Variants in CTNNA3 observed in about 807,000 individuals in gnomAD.
The protein encoded by CTNNA3 is catenin alpha 3, also known as catenin alpha-3.
A neutral mutation model predicts 95.7 loss-of-function variants in CTNNA3; 76 were observed. That is an observed-to-expected ratio of 0.79 (90% CI 0.66 to 0.96). The LOEUF (loss-of-function observed/expected upper bound fraction) is 0.96, where lower values mean the gene tolerates loss of function less well. Ranked by LOEUF, CTNNA3 falls within the 40% of genes least tolerant of loss-of-function variation. The probability of loss-of-function intolerance (pLI) is 0.00; values close to 1 mark genes in which losing one functional copy is unlikely to be tolerated. For missense variants in CTNNA3, 1,191 were observed against 1,089.8 expected (o/e 1.09, Z -1.31); for synonymous variants, 431 against 374.4 (o/e 1.15, Z -1.74).
At chr10:66,926,757 A>G (rs556485981) in intron 7 of CTNNA3, among the ~76,000 whole-genome samples, 1 of 152,344 alleles carries the variant, frequency 6.6e-6, no homozygotes, top group African/African-American at 2.4e-5. Flanking sequence ...TAAAAAAACA[A>G]AACACTAAAG....
At chr10:66,787,216 A>G (rs1352763488) in intron 7 of CTNNA3, among the ~76,000 whole-genome samples, 2 of 152,042 alleles carry the variant, frequency 1.3e-5, no homozygotes, top group Admixed American at 1.3e-4. Flanking sequence ...CCTCTTCTGT[A>G]AGATGGCGTG....
intron 5 of CTNNA3, among the ~76,000 whole-genome samples, chr10:67,373,353 CAAT>C (rs1458839094): frequency 6.6e-6 from 1 of 152,058 alleles, no homozygotes; most frequent in Non-Finnish European, 1.5e-5. Context: ...GACTTTAAAT[CAAT>C]AAAGATCAAA....
upstream of CTNNA3, among the ~76,000 whole-genome samples, chr10:67,699,355 C>T (rs1447108701): frequency 6.6e-6 from 1 of 152,130 alleles, no homozygotes; most frequent in African/African-American, 2.4e-5. Flanking sequence ...GATTTATTTC[C>T]CCTTCACTCC....
At chr10:67,638,219 C>A (rs1839393390) in intron 2 of CTNNA3, among the ~76,000 whole-genome samples, 1 of 152,170 alleles carries the variant, frequency 6.6e-6, no homozygotes, top group African/African-American at 2.4e-5. Context: ...CAATCCTAGT[C>A]TCTGATAAGA....
chr10:66,252,180 T>A (rs1344871046), intron 13 of CTNNA3, among the ~76,000 whole-genome samples: 1 of 152,196 alleles, frequency 6.6e-6, no homozygotes, highest in African/African-American at 2.4e-5. Flanking sequence ...CTATGATGGT[T>A]AAACAAAGTA....
At position 65,955,678 on chromosome 10, in the gene CTNNA3, G is replaced by A. The variant is rs892708821; in HGVS notation, c.2400+10934C>T. On this transcript the variant is annotated intron_variant, in intron 17 of 17. Transcript: ENST00000433211. ...TTTTTGCCATTGGTTCTGTTTGTGT[G>A]ATGGATTACGTTTATTGATTTGCAT... is the stretch of plus-strand genomic sequence containing the variant. Among the ~76,000 whole-genome samples the A allele has an allele frequency of 5.3e-5, 8 of 152,260 alleles. No homozygotes were observed. In the East Asian group the frequency reaches 5.8e-4, roughly 11 times the overall value.
chr10:67,080,892 G>C (rs1409325861), intron 7 of CTNNA3, among the ~76,000 whole-genome samples: 4 of 149,820 alleles, frequency 2.7e-5, no homozygotes, highest in African/African-American at 9.9e-5. Context: ...CTGGGCGAGA[G>C]AGCGAGACTC....
intron 7 of CTNNA3, among the ~76,000 whole-genome samples, chr10:66,931,335 C>T (rs557675487): frequency 1.3e-5 from 2 of 152,180 alleles, no homozygotes; most frequent in Non-Finnish European, 2.9e-5. Context: ...CCCCAGTACA[C>T]ATAGTGCTAC....
chr10:66,888,369 G>C (rs1280051730), intron 7 of CTNNA3, among the ~76,000 whole-genome samples: 1 of 152,182 alleles, frequency 6.6e-6, no homozygotes, highest in East Asian at 1.9e-4. Context: ...CTGACACATT[G>C]ATTCTAGCCT....
At chr10:67,756,143 G>T (rs1289231705) in intron 1 of CTNNA3, among the ~76,000 whole-genome samples, 1 of 152,084 alleles carries the variant, frequency 6.6e-6, no homozygotes, top group Non-Finnish European at 1.5e-5. Context: ...TAGACTGGTG[G>T]TTACCAGAGG....
chr10:67,013,770 T>C (rs778063281), intron 7 of CTNNA3, among the ~76,000 whole-genome samples: 53 of 152,290 alleles, frequency 3.5e-4, no homozygotes, highest in Middle Eastern at 6.8e-3. Context: ...TGTAATATCC[T>C]GGAAGTTTTT....
intron 13 of CTNNA3, among the ~76,000 whole-genome samples, chr10:66,137,573 A>G (rs2083418315): frequency 6.6e-6 from 1 of 152,206 alleles, no homozygotes; most frequent in Non-Finnish European, 1.5e-5. Flanking sequence ...TACAATATCA[A>G]CATTAAATCT....
chr10:67,513,738 T>C (rs767945672), intron 5 of CTNNA3, among the ~76,000 whole-genome samples: 2 of 152,198 alleles, frequency 1.3e-5, no homozygotes, highest in Non-Finnish European at 2.9e-5. Context: ...CTGAATGTCC[T>C]GGCTTTGTTT....
At chr10:66,323,512 G>A (rs374908906) in intron 12 of CTNNA3, among the ~76,000 whole-genome samples, 21 of 151,736 alleles carry the variant, frequency 1.4e-4, no homozygotes, top group African/African-American at 3.6e-4. Context: ...TTAGCTGGAC[G>A]TGGTGCCATA....
chr10:66,131,317 A>C (rs1220265150), intron 13 of CTNNA3, among the ~76,000 whole-genome samples: 19 of 152,188 alleles, frequency 1.2e-4, no homozygotes, highest in Non-Finnish European at 2.9e-5. Flanking sequence ...AAAAATCCTC[A>C]ACAAAATACC....
At chr10:66,076,112 A>G (rs2080552888) in intron 14 of CTNNA3, among the ~76,000 whole-genome samples, 1 of 151,650 alleles carries the variant, frequency 6.6e-6, no homozygotes, top group Non-Finnish European at 1.5e-5. Context: ...CATGGTATAT[A>G]TACATATTGG....
intron 5 of CTNNA3, among the ~76,000 whole-genome samples, chr10:67,267,093 T>C (rs1203081506): frequency 6.6e-6 from 1 of 152,196 alleles, no homozygotes; most frequent in Non-Finnish European, 1.5e-5. Flanking sequence ...CTTTGGATTT[T>C]ATTTTAAAAG....
chr10:66,341,357 T>A (rs767663295), intron 12 of CTNNA3, among the ~76,000 whole-genome samples: 1 of 151,894 alleles, frequency 6.6e-6, no homozygotes, highest in Non-Finnish European at 1.5e-5. Flanking sequence ...ATAAATTCAG[T>A]GAAAGCAAAA....
intron 11 of CTNNA3, among the ~76,000 whole-genome samples, chr10:66,447,984 AAAAC>A (rs1396057999): frequency 4.6e-5 from 7 of 152,306 alleles, no homozygotes; most frequent in Middle Eastern, 3.4e-3. Flanking sequence ...TTACAAGAGA[AAAAC>A]AAACAACCCC....
Sources: allele counts gnomAD v4.1 joint callset (sites outside exome capture counted in the v4.1 genomes callset), GRCh38; gene constraint gnomAD v4.1.1; transcripts MANE v1.5; gene names NCBI Gene and HGNC (gene_info 2026-07-23, HGNC 2026-07-21).